BMP6: variants seen among roughly 807,000 people sequenced by gnomAD.
The protein encoded by BMP6 is bone morphogenetic protein 6.
A neutral mutation model predicts 54.1 loss-of-function variants in BMP6; 17 were observed. That is an observed-to-expected ratio of 0.31 (90% confidence interval 0.22 to 0.47). BMP6 has a LOEUF of 0.47. Among genes scored for constraint, BMP6 ranks in the 20% least tolerant of loss-of-function variants. The pLI is 1.00. For missense variants in BMP6, 720 were observed against 690.4 expected, an observed-to-expected ratio of 1.04 and a Z score of -0.48; for synonymous variants, 328 against 291.2, an observed-to-expected ratio of 1.13 and a Z score of -1.28.
chr6:7,769,914 A>G (rs1329449320), intron 1 of BMP6, among the ~76,000 whole-genome samples: 2 of 152,142 alleles, frequency 1.3e-5, no homozygotes, highest in Admixed American at 1.3e-4. Flanking sequence ...GTGTAAACAG[A>G]TTTTCTAATG....
chr6:7,785,829 C>T (rs1285931223), intron 1 of BMP6, among the ~76,000 whole-genome samples: 6 of 152,152 alleles, frequency 3.9e-5, no homozygotes, highest in South Asian at 2.1e-4. Context: ...GACCCTTTTG[C>T]CAACTTGGAG....
intron 1 of BMP6, among the ~76,000 whole-genome samples, chr6:7,740,689 C>T (rs558644180): frequency 6.6e-6 from 1 of 152,266 alleles, no homozygotes; most frequent in East Asian, 1.9e-4. Context: ...CAAGCGGTGA[C>T]TGAGGTTTGG....
At chr6:7,811,989 C>A (rs1758442636) in intron 1 of BMP6, among the ~76,000 whole-genome samples, 1 of 152,188 alleles carries the variant, frequency 6.6e-6, no homozygotes, top group African/African-American at 2.4e-5. Context: ...CTGCTCATAG[C>A]TTTGTATCAA....
intron 1 of BMP6, among the ~76,000 whole-genome samples, chr6:7,785,226 G>A (rs9328444): frequency 0.26 from 39,801 of 152,138 alleles, 5,934 homozygotes; most frequent in East Asian, 0.53. Flanking sequence ...AGAAGATAGC[G>A]GGTCTACTAA....
At chr6:7,770,054 A>T (rs1450781258) in intron 1 of BMP6, among the ~76,000 whole-genome samples, 1 of 149,784 alleles carries the variant, frequency 6.7e-6, no homozygotes, top group African/African-American at 2.5e-5. Context: ...ACCCCCCTGC[A>T]CCTCCCCTCG....
chr6:7,755,129 C>G (rs771464066), intron 1 of BMP6, among the ~76,000 whole-genome samples: 3 of 152,142 alleles, frequency 2.0e-5, no homozygotes, highest in Non-Finnish European at 4.4e-5. Flanking sequence ...CTTGAAGCAA[C>G]CTAACAATTT....
chr6:7,779,266 T>G (rs1351015624), intron 1 of BMP6, among the ~76,000 whole-genome samples: 1 of 152,188 alleles, frequency 6.6e-6, no homozygotes, highest in Non-Finnish European at 1.5e-5. Context: ...GCTCAAGTTA[T>G]CAGCTCCACT....
At chr6:7,862,083 C>A (rs1759344055) in intron 3 of BMP6, among the ~76,000 whole-genome samples, 1 of 152,188 alleles carries the variant, frequency 6.6e-6, no homozygotes, top group Admixed American at 6.5e-5. Context: ...CACGCCACTC[C>A]TTCATGTGAT....
At chr6:7,827,051 G>C (rs1006036326) in intron 1 of BMP6, among the ~76,000 whole-genome samples, 1 of 152,152 alleles carries the variant, frequency 6.6e-6, no homozygotes, top group Non-Finnish European at 1.5e-5. Flanking sequence ...AGCTCTCCTT[G>C]GAGGCTTGCT....
Position 7,880,444 on chromosome 6 carries a change from CTT to C in BMP6, c.*103_*104del, listed in dbSNP as rs1759698667. The C allele has an allele frequency of 2.7e-6, 4 of 1,464,074 alleles. No individual in the cohort carries two copies. The highest frequency in any genetic ancestry group is 3.8e-6 in the Non-Finnish European group (4 of 1,064,996). The allele number at this position is 1,464,074 out of a possible 1,614,324, so 90.7% of individuals were successfully genotyped here. On this transcript the variant is annotated 3_prime_UTR_variant, in exon 7 of 7. Coordinates refer to ENST00000283147, the MANE Select transcript of BMP6 (RefSeq NM_001718.6). ...CACAGTTGGAGGTGGGACGATGAGA[CTT>C]TGAAACTATCTCATGCCAGTGCCTT... is the stretch of plus-strand genomic sequence containing the variant.
At chr6:7,874,223 A>C (rs888342551) in intron 4 of BMP6, among the ~76,000 whole-genome samples, 7 of 152,168 alleles carry the variant, frequency 4.6e-5, no homozygotes, top group African/African-American at 1.7e-4. Flanking sequence ...GAATCCAGGC[A>C]CATGGCCACA....
intron 1 of BMP6, among the ~76,000 whole-genome samples, chr6:7,829,810 A>G (rs1053646679): frequency 5.3e-5 from 8 of 152,174 alleles, no homozygotes. Flanking sequence ...TGTAGATGTT[A>G]CTACGCCACA....
chr6:7,877,629 A>G, intron 4 of BMP6, among the ~76,000 whole-genome samples: 1 of 149,760 alleles, frequency 6.7e-6, no homozygotes, highest in African/African-American at 2.4e-5. Context: ...TCTCAAAAGA[A>G]AAAAAAAAAA....
chr6:7,870,627 A>AAACAAC (rs1390977080), intron 4 of BMP6, among the ~76,000 whole-genome samples: 1 of 151,748 alleles, frequency 6.6e-6, no homozygotes, highest in Non-Finnish European at 1.5e-5. Context: ...TTTTTTTAAA[A>AAACAAC]AACAACAACA....
intron 1 of BMP6, among the ~76,000 whole-genome samples, chr6:7,740,503 T>A (rs1762026865): frequency 6.6e-6 from 1 of 152,142 alleles, no homozygotes; most frequent in Non-Finnish European, 1.5e-5. Context: ...AATCATTAGA[T>A]TCCATTTGTA....
chr6:7,789,101 C>T (rs1262289636), intron 1 of BMP6, among the ~76,000 whole-genome samples: 3 of 152,162 alleles, frequency 2.0e-5, no homozygotes, highest in African/African-American at 4.8e-5. Flanking sequence ...TCCATCACCT[C>T]GGTGTTGTTA....
intron 1 of BMP6, among the ~76,000 whole-genome samples, chr6:7,738,357 G>A (rs1409584286): frequency 6.6e-6 from 1 of 152,160 alleles, no homozygotes; most frequent in East Asian, 1.9e-4. Flanking sequence ...GACCCTAGGA[G>A]GCTGCGTTTC....
At chr6:7,776,911 T>G (rs1757869678) in intron 1 of BMP6, among the ~76,000 whole-genome samples, 1 of 152,200 alleles carries the variant, frequency 6.6e-6, no homozygotes, top group African/African-American at 2.4e-5. Flanking sequence ...AGACATATAG[T>G]AGGGTGAGAA....
chr6:7,757,253 C>G (rs896174810), intron 1 of BMP6, among the ~76,000 whole-genome samples: 12 of 152,202 alleles, frequency 7.9e-5, no homozygotes, highest in African/African-American at 2.2e-4. Context: ...AGTTTATTCT[C>G]TCATAGTTCA....
Sources: allele counts gnomAD v4.1 joint callset (sites outside exome capture counted in the v4.1 genomes callset), GRCh38; gene constraint gnomAD v4.1.1; transcripts MANE v1.5; gene names NCBI Gene and HGNC (gene_info 2026-07-23, HGNC 2026-07-21).